Variants in PPFIBP1 observed in about 807,000 individuals in gnomAD.
PPFIBP1 encodes the protein PPFIB scaffold protein 1, also known as liprin-beta-1.
PPFIBP1 carries 112 observed loss-of-function variants against 137.8 expected under a neutral mutation model. The observed-to-expected ratio is 0.81, with a 90% confidence interval of 0.70 to 0.95. The LOEUF is 0.95. Ranked by LOEUF, PPFIBP1 falls within the 40% of genes least tolerant of loss-of-function variation. PPFIBP1 has a pLI of 0.00. For synonymous variants in PPFIBP1, 378 were observed against 417.3 expected (o/e 0.91, Z 1.15); for missense variants, 1,083 against 1,196.6 (o/e 0.91, Z 1.40).
intron 2 of PPFIBP1, among the ~76,000 whole-genome samples, chr12:27,631,735 G>A (rs1194508485): frequency 6.6e-6 from 1 of 151,818 alleles, no homozygotes; most frequent in Non-Finnish European, 1.5e-5. Context: ...GGTAACTATT[G>A]TACCTATCGG....
At chr12:27,670,928 C>T (rs934720866) in intron 13 of PPFIBP1, among the ~76,000 whole-genome samples, 1 of 151,846 alleles carries the variant, frequency 6.6e-6, no homozygotes, top group Non-Finnish European at 1.5e-5. Flanking sequence ...GGATGCCTAG[C>T]GAAGTTATTT....
At chr12:27,673,931 C>T in intron 16 of PPFIBP1, 104 bp downstream of exon 16, 1 of 1,035,684 alleles carries the variant, frequency 9.7e-7, no homozygotes, top group African/African-American at 1.6e-5. Flanking sequence ...TTATGAAGAG[C>T]TTGTGGTTTT....
At chr12:27,558,734 T>G (rs187440875) in intron 1 of PPFIBP1, among the ~76,000 whole-genome samples, 207 of 152,236 alleles carry the variant, frequency 1.4e-3, no homozygotes, top group African/African-American at 4.4e-3. Context: ...GGGCCCCAAT[T>G]CGGAAGTTGT....
chr12:27,657,346 C>A (rs1036837219), intron 9 of PPFIBP1, among the ~76,000 whole-genome samples: 1 of 151,512 alleles, frequency 6.6e-6, no homozygotes, highest in Non-Finnish European at 1.5e-5. Flanking sequence ...TAGAAAATAG[C>A]CCGAATGAAA....
chr12:27,661,012 T>C (rs756272197), intron 11 of PPFIBP1, 67 bp downstream of exon 11: 7 of 1,585,782 alleles, frequency 4.4e-6, no homozygotes, highest in Non-Finnish European at 6.0e-6. Flanking sequence ...TTCCATGCAA[T>C]TTCATGAGCT....
chr12:27,600,606 C>T (rs1356626537), intron 2 of PPFIBP1, among the ~76,000 whole-genome samples: 2 of 151,074 alleles, frequency 1.3e-5, no homozygotes, highest in Non-Finnish European at 2.9e-5. Flanking sequence ...TATTTCTTTC[C>T]TGAACACCTT....
chr12:27,680,678 T>C (rs1033285128), intron 21 of PPFIBP1, among the ~76,000 whole-genome samples: 1 of 152,206 alleles, frequency 6.6e-6, no homozygotes, highest in Non-Finnish European at 1.5e-5. Flanking sequence ...CTATATAATA[T>C]TTTATCCATT....
chr12:27,585,756 C>A (rs918020050), intron 2 of PPFIBP1, among the ~76,000 whole-genome samples: 1 of 152,126 alleles, frequency 6.6e-6, no homozygotes, highest in East Asian at 1.9e-4. Flanking sequence ...TTCAATATAA[C>A]CTGGGTCTTG....
chr12:27,613,094 T>C (rs1235835722), intron 2 of PPFIBP1, among the ~76,000 whole-genome samples: 6 of 152,202 alleles, frequency 3.9e-5, no homozygotes, highest in Non-Finnish European at 8.8e-5. Flanking sequence ...TGAGAGCATC[T>C]CTTAGATCTG....
intron 2 of PPFIBP1, among the ~76,000 whole-genome samples, chr12:27,630,136 C>G (rs1357200706): frequency 4.0e-5 from 6 of 151,894 alleles, no homozygotes; most frequent in Non-Finnish European, 8.8e-5. Context: ...TGTAAAAGAA[C>G]AAATGATAGA....
intron 19 of PPFIBP1, 56 bp downstream of exon 19, chr12:27,677,152 T>A (rs907588517): frequency 1.1e-4 from 176 of 1,598,312 alleles, no homozygotes; most frequent in Middle Eastern, 9.7e-4. Context: ...ACCAATCTAA[T>A]CCCTGCTCTT....
At chr12:27,564,099 C>G (rs531727944) in intron 1 of PPFIBP1, among the ~76,000 whole-genome samples, 2 of 152,250 alleles carry the variant, frequency 1.3e-5, no homozygotes, top group South Asian at 2.1e-4. Flanking sequence ...TCTCGAACTC[C>G]TGACCTTGTG....
At chr12:27,647,603 T>A (rs1293683159) in intron 5 of PPFIBP1, 126 bp from the exon 6 acceptor site, 2 of 545,130 alleles carry the variant, frequency 3.7e-6, no homozygotes, top group East Asian at 6.6e-5. Context: ...ACTTCTCAGA[T>A]TTTTTTTTCT....
At chr12:27,612,644 C>T (rs901732100) in intron 2 of PPFIBP1, among the ~76,000 whole-genome samples, 9 of 151,984 alleles carry the variant, frequency 5.9e-5, no homozygotes, top group South Asian at 4.1e-4. Context: ...CCACAGCGCC[C>T]GGCTCCACCT....
intron 1 of PPFIBP1, among the ~76,000 whole-genome samples, chr12:27,551,350 A>G (rs1256617938): frequency 6.6e-6 from 1 of 152,154 alleles, no homozygotes; most frequent in Non-Finnish European, 1.5e-5. Flanking sequence ...AAAAATAATC[A>G]TGGTTGCCCT....
intron 1 of PPFIBP1, among the ~76,000 whole-genome samples, chr12:27,527,530 C>G (rs1943911589): frequency 6.6e-6 from 1 of 152,070 alleles, no homozygotes; most frequent in African/African-American, 2.4e-5. Flanking sequence ...TGAGTGAGCC[C>G]TGGGTGCCCA....
rs200970429 is a variant in PPFIBP1, at chr12:27,647,859, G to T, written c.471+17G>T. The stretch of plus-strand genomic sequence containing the variant: ...CTGCAGCAGGTATGTGCAGAGGCCA[G>T]AACCAAGATGGGATTTCCCTGCTGA... On this transcript the variant is annotated intron_variant, in intron 6 of 29. Transcript: ENST00000228425. The T allele has an allele frequency of 1.3e-3, 2,118 of 1,597,946 alleles. 9 individuals carry two copies. Among genetic ancestry groups the T allele is most frequent in the Middle Eastern group, 1.8e-3 (11 of 6,010 alleles).
Position 27,674,825 on chromosome 12 carries a change from T to TC in PPFIBP1, c.1410+604_1410+605insC, listed in dbSNP as rs1389059517. 2.7e-5 allele frequency among the ~76,000 whole-genome samples: 4 copies of TC among 147,512 alleles called. No homozygotes were observed. The East Asian group carries it at 7.9e-4, about 29-fold the overall frequency. On this transcript the variant is annotated intron_variant, in intron 17 of 29. Transcript: ENST00000228425. ...TCTTTCCCCTGATTTTTTTTTTTTT[T>TC]TTTTTTTGAAATGGTATCACTTTGT...
intron 2 of PPFIBP1, among the ~76,000 whole-genome samples, chr12:27,623,591 C>G (rs1227131249): frequency 6.6e-6 from 1 of 151,884 alleles, no homozygotes; most frequent in Admixed American, 6.6e-5. Flanking sequence ...ACCTGTGGTC[C>G]CAGCTAGTGG....
Sources: allele counts gnomAD v4.1 joint callset (sites outside exome capture counted in the v4.1 genomes callset), GRCh38; gene constraint gnomAD v4.1.1; transcripts MANE v1.5; gene names NCBI Gene and HGNC (gene_info 2026-07-23, HGNC 2026-07-21).